Variants in CDH13 observed in about 807,000 individuals in gnomAD.
CDH13 encodes cadherin 13.
Under a neutral mutation model 63.8 loss-of-function variants are expected in CDH13, and 24 were observed. That is an observed-to-expected ratio of 0.38 (90% CI 0.27 to 0.53). The LOEUF (loss-of-function observed/expected upper bound fraction) is 0.53, where lower values mean the gene tolerates loss of function less well. Ranked by LOEUF, CDH13 falls within the 20% of genes least tolerant of loss-of-function variation. The probability of loss-of-function intolerance (pLI) is 0.85; values close to 1 mark genes in which losing one functional copy is unlikely to be tolerated. For synonymous variants in CDH13, 503 were observed against 355.3 expected, an observed-to-expected ratio of 1.42 and a Z score of -4.67; for missense variants, 1,049 against 903.1, an observed-to-expected ratio of 1.16 and a Z score of -2.07.
At chr16:83,425,847 C>A (rs1178844143) in intron 6 of CDH13, among the ~76,000 whole-genome samples, 2 of 151,598 alleles carry the variant, frequency 1.3e-5, no homozygotes, top group Non-Finnish European at 2.9e-5. Context: ...ATTCATTCAA[C>A]AATTATTTAT....
chr16:82,726,153 T>A (rs2033081033), intron 1 of CDH13, among the ~76,000 whole-genome samples: 1 of 152,196 alleles, frequency 6.6e-6, no homozygotes, highest in African/African-American at 2.4e-5. Context: ...GTGTGCTGTG[T>A]GCATGTGCGC....
intron 4 of CDH13, among the ~76,000 whole-genome samples, chr16:83,128,440 A>C (rs2035905620): frequency 6.6e-6 from 1 of 152,192 alleles, no homozygotes; most frequent in Non-Finnish European, 1.5e-5. Context: ...ATGCACACTC[A>C]AATTTACAGA....
chr16:82,676,392 T>G (rs1913902455), intron 1 of CDH13, among the ~76,000 whole-genome samples: 1 of 152,122 alleles, frequency 6.6e-6, no homozygotes, highest in East Asian at 1.9e-4. Context: ...TCAATTAAAA[T>G]TCTGTTGATT....
intron 11 of CDH13, among the ~76,000 whole-genome samples, chr16:83,764,538 C>T (rs986976915): frequency 6.6e-6 from 1 of 152,182 alleles, no homozygotes; most frequent in African/African-American, 2.4e-5. Context: ...TGGAGTCCCC[C>T]TTCCCCAGCT....
chr16:83,434,565 C>T (rs1275625090), intron 6 of CDH13, among the ~76,000 whole-genome samples: 1 of 152,006 alleles, frequency 6.6e-6, no homozygotes, highest in South Asian at 2.1e-4. Context: ...TCCACTCCCT[C>T]CATCTCAAAC....
chr16:83,235,653 C>G (rs1202180851), intron 5 of CDH13, among the ~76,000 whole-genome samples: 3 of 149,750 alleles, frequency 2.0e-5, no homozygotes, highest in Non-Finnish European at 3.0e-5. Context: ...CTAATTCCAG[C>G]AAAGGCCATT....
At chr16:83,458,644 C>T (rs950215303) in intron 6 of CDH13, among the ~76,000 whole-genome samples, 1 of 152,166 alleles carries the variant, frequency 6.6e-6, no homozygotes, top group African/African-American at 2.4e-5. Flanking sequence ...TACTGATTTC[C>T]CTTTTTCAGC....
intron 3 of CDH13, among the ~76,000 whole-genome samples, chr16:83,117,487 G>A (rs888464019): frequency 2.0e-5 from 3 of 152,016 alleles, no homozygotes; most frequent in Admixed American, 2.0e-4. Flanking sequence ...CCTCCTCCCT[G>A]CTGATCTTTT....
At chr16:83,252,806 A>G (rs954678576) in intron 5 of CDH13, among the ~76,000 whole-genome samples, 5 of 152,216 alleles carry the variant, frequency 3.3e-5, no homozygotes, top group African/African-American at 7.2e-5. Context: ...CCCCACCCCA[A>G]TAAGGAATTT....
intron 11 of CDH13, among the ~76,000 whole-genome samples, chr16:83,748,962 G>A (rs1912843179): frequency 6.6e-6 from 1 of 152,184 alleles, no homozygotes; most frequent in African/African-American, 2.4e-5. Flanking sequence ...ATGCAAGATG[G>A]TGGCCTGGAC....
At chr16:83,308,771 G>A (rs547905837) in intron 5 of CDH13, among the ~76,000 whole-genome samples, 2 of 152,314 alleles carry the variant, frequency 1.3e-5, no homozygotes, top group East Asian at 3.9e-4. Flanking sequence ...AAATGAGGAA[G>A]GAGAATCAAG....
At chr16:82,679,980 A>C (rs566448244) in intron 1 of CDH13, among the ~76,000 whole-genome samples, 1 of 152,282 alleles carries the variant, frequency 6.6e-6, no homozygotes, top group African/African-American at 2.4e-5. Flanking sequence ...GAAGAAGGAC[A>C]AGGAAGACCA....
chr16:82,972,027 C>T (rs559681256), intron 2 of CDH13, among the ~76,000 whole-genome samples: 1 of 152,328 alleles, frequency 6.6e-6, no homozygotes, highest in South Asian at 2.1e-4. Context: ...TTGTATTTCA[C>T]AGCGACTTGC....
chr16:82,901,338 G>T (rs1056343079), intron 2 of CDH13, among the ~76,000 whole-genome samples: 5 of 148,026 alleles, frequency 3.4e-5, no homozygotes, highest in African/African-American at 1.2e-4. Flanking sequence ...GTGTGTGTGT[G>T]TGTGTGTGTG....
chr16:83,411,494 G>T (rs2092125345), intron 6 of CDH13, among the ~76,000 whole-genome samples: 1 of 151,894 alleles, frequency 6.6e-6, no homozygotes, highest in Admixed American at 6.6e-5. Flanking sequence ...TCAATATGGG[G>T]GTTAGCACAT....
intron 6 of CDH13, among the ~76,000 whole-genome samples, chr16:83,377,458 C>T (rs77426462): frequency 6.6e-6 from 1 of 152,104 alleles, no homozygotes; most frequent in Non-Finnish European, 1.5e-5. Flanking sequence ...CTGGGGTTTC[C>T]TCTTTGATGG....
chr16:82,969,539 T>C (rs969075259), intron 2 of CDH13, among the ~76,000 whole-genome samples: 2 of 150,304 alleles, frequency 1.3e-5, no homozygotes, highest in Non-Finnish European at 2.9e-5. Context: ...GGAAAGATGA[T>C]GGGGCTAGCC....
At chr16:82,666,142 T>C (rs530861153) in intron 1 of CDH13, among the ~76,000 whole-genome samples, 57 of 152,264 alleles carry the variant, frequency 3.7e-4, no homozygotes, top group African/African-American at 1.3e-3. Context: ...CGTCTGTTTT[T>C]TTGCCAAAAA....
In CDH13 at chr16:83,079,325, C is replaced by G. The variant is rs183776275; in HGVS notation, c.367-46060C>G. On this transcript the variant is annotated intron_variant, in intron 3 of 13. Coordinates refer to ENST00000567109, the MANE Select transcript of CDH13 (RefSeq NM_001257.5). Reference sequence around the variant, plus strand: ...ACCTTGCCTTCTATGGATGGTTATTCATATTCTTCTTATTGTTCTCTGTTA... The same window carrying G: ...ACCTTGCCTTCTATGGATGGTTATTGATATTCTTCTTATTGTTCTCTGTTA... Among the ~76,000 whole-genome samples, 7 of 152,166 alleles carry G rather than the reference C, an allele frequency of 4.6e-5. No individual in the cohort carries two copies. The East Asian group carries it at 1.2e-3, about 25-fold the overall frequency.
Sources: gnomAD v4.1 joint callset for allele counts (sites outside exome capture counted in the v4.1 genomes callset) on GRCh38, gnomAD v4.1.1 for gene constraint, MANE v1.5 for transcripts, NCBI Gene and HGNC (gene_info 2026-07-23, HGNC 2026-07-21) for gene names.